Variants in PELI2 observed in about 807,000 individuals in gnomAD.
PELI2 encodes the protein E3 ubiquitin-protein ligase pellino homolog 2.
PELI2 carries 23 observed loss-of-function variants against 42.3 expected under a neutral mutation model. The observed-to-expected ratio is 0.54, with a 90% CI of 0.39 to 0.77. The LOEUF (loss-of-function observed/expected upper bound fraction) is 0.77. Ranked by LOEUF, PELI2 falls within the 30% of genes least tolerant of loss-of-function variation. The probability of loss-of-function intolerance (pLI) is 0.00; values close to 1 mark genes in which losing one functional copy is unlikely to be tolerated. For synonymous variants in PELI2, 245 were observed against 212.2 expected, an observed-to-expected ratio of 1.15 and a Z score of -1.34; for missense variants, 463 against 553.2, an observed-to-expected ratio of 0.84 and a Z score of 1.64.
In PELI2 at chr14:56,243,557, G is replaced by A. The variant is rs1253677480; in HGVS notation, c.208-36119G>A. On this transcript the variant is annotated intron_variant, in intron 2 of 5. Transcript: ENST00000267460. ...TGTTGTGAAGAGTAAATCAGTTAAG[G>A]TAATTGAAATCTTTCAAATAGTGCA... Among the ~76,000 whole-genome samples, 9 of 152,176 alleles carry A rather than the reference G, an allele frequency of 5.9e-5. No individual in the cohort carries two copies. In the East Asian group the frequency reaches 1.5e-3, roughly 26 times the overall value.
At chr14:56,212,924 G>A (rs1886761363) in intron 2 of PELI2, among the ~76,000 whole-genome samples, 1 of 146,672 alleles carries the variant, frequency 6.8e-6, no homozygotes, top group South Asian at 2.1e-4. Context: ...AGAGTTGCAG[G>A]GATGAAAAGC....
chr14:56,132,686 C>A (rs1260311469), intron 1 of PELI2, among the ~76,000 whole-genome samples: 1 of 152,198 alleles, frequency 6.6e-6, no homozygotes, highest in East Asian at 1.9e-4. Context: ...GAAGGGCTTT[C>A]TGTAGCCCTT....
intron 2 of PELI2, among the ~76,000 whole-genome samples, chr14:56,234,338 C>G (rs182713501): frequency 6.6e-6 from 1 of 152,256 alleles, no homozygotes; most frequent in African/African-American, 2.4e-5. Flanking sequence ...ATAGCAAAGA[C>G]CTGGAACCAG....
chr14:56,230,291 A>G (rs969465200), intron 2 of PELI2, among the ~76,000 whole-genome samples: 2 of 152,182 alleles, frequency 1.3e-5, no homozygotes, highest in Non-Finnish European at 2.9e-5. Context: ...TCCAAGACAC[A>G]TGATTGTCAG....
intron 2 of PELI2, among the ~76,000 whole-genome samples, chr14:56,208,517 G>C (rs1016424157): frequency 1.1e-4 from 16 of 152,200 alleles, no homozygotes; most frequent in Non-Finnish European, 2.2e-4. Context: ...CAAAAGCAGT[G>C]GTGGGTAAAA....
At chr14:56,189,498 T>C (rs1345284407) in intron 2 of PELI2, among the ~76,000 whole-genome samples, 3 of 152,232 alleles carry the variant, frequency 2.0e-5, no homozygotes, top group African/African-American at 7.2e-5. Flanking sequence ...TGGGAATGTA[T>C]AATCCCTGCT....
Position 56,172,014 on chromosome 14 carries a change from C to CA in PELI2, c.78-6312dup, listed in dbSNP as rs1435782165. Among the ~76,000 whole-genome samples, 937 of 148,784 alleles carry CA rather than the reference C, an allele frequency of 6.3e-3. 5 individuals carry two copies. The highest frequency in any genetic ancestry group is 0.018 in the African/African-American group (725 of 40,472). On this transcript the variant is annotated intron_variant, in intron 1 of 5. Transcript: ENST00000267460. The stretch of plus-strand genomic sequence containing the variant: ...CTGGGTGACAGAGGAGACTCCATCT[C>CA]AAAAAAAAAGAAAAAGAAAAAAAGA...
intron 2 of PELI2, among the ~76,000 whole-genome samples, chr14:56,239,162 T>C (rs558283043): frequency 2.0e-5 from 3 of 152,334 alleles, no homozygotes; most frequent in African/African-American, 7.2e-5. Flanking sequence ...TGAAAAACAT[T>C]AATTATTAAA....
At chr14:56,254,396 C>CAAAAAAAAAAA (rs34029214) in intron 2 of PELI2, among the ~76,000 whole-genome samples, 1 of 137,206 alleles carries the variant, frequency 7.3e-6, no homozygotes, top group Non-Finnish European at 1.6e-5. Flanking sequence ...GACTCCATCT[C>CAAAAAAAAAAA]AAAAAAAAAA....
chr14:56,221,780 A>G (rs2139750593), intron 2 of PELI2, among the ~76,000 whole-genome samples: 1 of 152,350 alleles, frequency 6.6e-6, no homozygotes, highest in Non-Finnish European at 1.5e-5. Flanking sequence ...TTTTATTTTA[A>G]CCTTCTTTTG....
At chr14:56,185,370 C>T (rs1006114018) in intron 2 of PELI2, among the ~76,000 whole-genome samples, 11 of 152,048 alleles carry the variant, frequency 7.2e-5, no homozygotes, top group Non-Finnish European at 1.2e-4. Context: ...TTTAGTTTTT[C>T]ACTTCTGTTA....
chr14:56,184,526 T>C (rs1885699630), intron 2 of PELI2, among the ~76,000 whole-genome samples: 1 of 152,074 alleles, frequency 6.6e-6, no homozygotes, highest in South Asian at 2.1e-4. Flanking sequence ...TAATTGTTGT[T>C]TTCAAAGCAC....
At chr14:56,237,307 C>T (rs922638024) in intron 2 of PELI2, among the ~76,000 whole-genome samples, 5 of 152,162 alleles carry the variant, frequency 3.3e-5, no homozygotes, top group African/African-American at 1.2e-4. Context: ...TTTATTTAGC[C>T]TGTCTGCTTT....
At chr14:56,251,928 C>T (rs987114426) in intron 2 of PELI2, among the ~76,000 whole-genome samples, 5 of 152,118 alleles carry the variant, frequency 3.3e-5, no homozygotes, top group African/African-American at 9.6e-5. Flanking sequence ...AGGTGCCAAA[C>T]GTATACACCG....
chr14:56,290,564 G>A (rs1014233166), intron 5 of PELI2, 108 bp downstream of exon 5: 19 of 681,278 alleles, frequency 2.8e-5, no homozygotes, highest in Admixed American at 9.0e-5. Context: ...AGGTCCAAGC[G>A]CCATGTACTG....
At chr14:56,218,711 G>A (rs984773388) in intron 2 of PELI2, among the ~76,000 whole-genome samples, 3 of 152,048 alleles carry the variant, frequency 2.0e-5, no homozygotes, top group African/African-American at 7.2e-5. Flanking sequence ...GCGTGTGTGT[G>A]TGTGTGTGTG....
chr14:56,238,534 G>A (rs1381280719), intron 2 of PELI2, among the ~76,000 whole-genome samples: 3 of 152,070 alleles, frequency 2.0e-5, no homozygotes, highest in African/African-American at 7.2e-5. Flanking sequence ...TGATTTTGCC[G>A]CTGTCGTAAT....
rs146420550 is a variant in PELI2, at chr14:56,238,114, G to T, written c.208-41562G>T. ...TATCTAGAATCTGAAAATCTCCTAA[G>T]TTGTTTAAAAGCCTACCACTTTGAC... On this transcript the variant is annotated intron_variant, in intron 2 of 5. Transcript: ENST00000267460. Among the ~76,000 whole-genome samples, 1,153 of 117,458 alleles carry T rather than the reference G, an allele frequency of 9.8e-3. 12 individuals are homozygous for T. Among genetic ancestry groups the T allele is most frequent in the African/African-American group, 0.03 (1,099 of 36,440 alleles). The allele number at this position is 117,458 out of a possible 152,430, so 77.1% of individuals were successfully genotyped here. A position where few individuals can be genotyped will look rare whatever the true frequency, so the allele number is the denominator to read the frequency against.
At chr14:56,293,611 G>A (rs1152463) in intron 5 of PELI2, among the ~76,000 whole-genome samples, 44,325 of 152,030 alleles carry the variant, frequency 0.29, 6,546 homozygotes, top group East Asian at 0.32. Flanking sequence ...AACTGGGGAT[G>A]TGGCAGAAAA....
Sources: allele counts gnomAD v4.1 joint callset (sites outside exome capture counted in the v4.1 genomes callset), GRCh38; gene constraint gnomAD v4.1.1; transcripts MANE v1.5; gene names NCBI Gene and HGNC (gene_info 2026-07-23, HGNC 2026-07-21).